The following WDR75 variants were observed in gnomAD, a reference collection of about 807,000 sequenced individuals.
The protein encoded by WDR75 is WD repeat domain 75, also known as WD repeat-containing protein 75.
In WDR75, 52 loss-of-function variants were observed where a neutral mutation model predicts 106.1. The observed-to-expected ratio is 0.49, with a 90% confidence interval of 0.39 to 0.62. WDR75 has a LOEUF of 0.62. Ranked by LOEUF, WDR75 falls within the 20% of genes least tolerant of loss-of-function variation. WDR75 has a pLI of 0.00. For missense variants in WDR75, 905 were observed against 970.3 expected (o/e 0.93, Z 0.89); for synonymous variants, 333 against 335.5 (o/e 0.99, Z 0.08).
chr2:189,455,075 C>T (rs116012243), intron 4 of WDR75, among the ~76,000 whole-genome samples: 9,776 of 151,684 alleles, frequency 0.064, 489 homozygotes, highest in African/African-American at 0.14. Flanking sequence ...ACCCCATCGC[C>T]ACTAAAAATA....
At chr2:189,466,681 T>C in intron 13 of WDR75, 99 bp downstream of exon 13, 1 of 1,227,814 alleles carries the variant, frequency 8.1e-7, no homozygotes, top group Non-Finnish European at 1.1e-6. Flanking sequence ...CATTTTCTAC[T>C]TTATTGAATT....
chr2:189,463,533 C>A (rs920211116), intron 9 of WDR75, among the ~76,000 whole-genome samples, 161 bp from the exon 10 acceptor site: 2 of 151,930 alleles, frequency 1.3e-5, no homozygotes, highest in African/African-American at 4.8e-5. Context: ...AATATACTAA[C>A]ACTAATGATA....
chr2:189,441,810 C>T (rs561118557), intron 1 of WDR75, among the ~76,000 whole-genome samples: 2 of 152,310 alleles, frequency 1.3e-5, no homozygotes, highest in African/African-American at 2.4e-5. Flanking sequence ...GATAAAGGCC[C>T]TGGAGCCGGT....
rs200393205 is a variant in WDR75, at chr2:189,474,169, G to A, written c.2050-17G>A. 7.4e-5 allele frequency: 118 copies of A among 1,600,956 alleles called. 1 individual carries two copies. In the African/African-American group the frequency reaches 8.8e-4, roughly 12 times the overall value. On this transcript the variant is annotated splice_polypyrimidine_tract_variant and intron_variant, in intron 18 of 20. Transcript: ENST00000314761. ...CTTTTTTCTGAAATAATTTCTCTTT[G>A]TCTTAAATCCTTAAAGCTGCTAGCA...
chr2:189,441,720 C>A, intron 1 of WDR75, 142 bp downstream of exon 1: 1 of 920,892 alleles, frequency 1.1e-6, no homozygotes, highest in Non-Finnish European at 1.7e-6. Flanking sequence ...TGTGGGGGAT[C>A]CCCAGGGTAC....
At chr2:189,470,272 TC>T (rs747709600) in intron 17 of WDR75, 27 bp downstream of exon 17, 1 of 1,602,460 alleles carries the variant, frequency 6.2e-7, no homozygotes, top group South Asian at 1.1e-5. Context: ...AAAAAGGCGA[TC>T]ACTTTGTACA....
At chr2:189,470,734 T>A (rs1687100130) in intron 17 of WDR75, 85 bp from the exon 18 acceptor site, 2 of 975,536 alleles carry the variant, frequency 2.1e-6, no homozygotes, top group Admixed American at 7.1e-5. Context: ...AAATTTGACC[T>A]TCTCATTTTT....
At chr2:189,445,568 T>C (rs1198045919) in intron 1 of WDR75, among the ~76,000 whole-genome samples, 1 of 152,146 alleles carries the variant, frequency 6.6e-6, no homozygotes, top group Non-Finnish European at 1.5e-5. Context: ...TCTGAGAAGA[T>C]ATGACAACTA....
chr2:189,469,246 G>A (rs1687068353), intron 15 of WDR75, 98 bp from the exon 16 acceptor site: 1 of 883,450 alleles, frequency 1.1e-6, no homozygotes, highest in Non-Finnish European at 1.9e-6. Flanking sequence ...TGTGTTAGTT[G>A]GAAGCATAAG....
chr2:189,472,086 C>T (rs958584738), intron 18 of WDR75, among the ~76,000 whole-genome samples: 1 of 152,022 alleles, frequency 6.6e-6, no homozygotes, highest in Admixed American at 6.6e-5. Flanking sequence ...ATTTACTGTA[C>T]GCCAGGGACC....
rs377530702 is a variant in WDR75 at position 189,465,027 on chromosome 2, G to A, written c.1114-52G>A. ...TCATTTCTTGAATGCTGTAACATTT[G>A]TGTATTTATGTTAATAAACATTTTG... is the stretch of plus-strand genomic sequence containing the variant. On this transcript the variant is annotated intron_variant, in intron 11 of 20. Coordinates refer to ENST00000314761, the MANE Select transcript of WDR75 (RefSeq NM_032168.3). 1.3e-3 allele frequency: 1,680 copies of A among 1,277,616 alleles called. 16 individuals are homozygous for A. The highest frequency in any genetic ancestry group is 4.3e-4 in the Non-Finnish European group (394 of 915,408). 79.1% of individuals were successfully genotyped at this position (1,277,616 alleles called of 1,614,324 possible). A position where few individuals can be genotyped will look rare whatever the true frequency, so the allele number is the denominator to read the frequency against.
intron 10 of WDR75, 22 bp downstream of exon 10, chr2:189,463,775 T>A (rs200551917): frequency 1.2e-6 from 2 of 1,613,748 alleles, no homozygotes; most frequent in Non-Finnish European, 1.7e-6. Context: ...CTCAGTGGAT[T>A]TGGAATCATG....
rs377641696 is a variant in WDR75, at chr2:189,475,292, G to A, written c.2368G>A (p.Glu790Lys). 61 of 1,612,624 alleles carry A rather than the reference G, an allele frequency of 3.8e-5. No homozygotes were observed. Among genetic ancestry groups the A allele is most frequent in the Middle Eastern group, 1.7e-4 (1 of 6,056 alleles). ...EDSDEENDFT[E>K]KVQDTSNTGL... is the part of the protein sequence containing the mutation. ...TTCAGATGAAGAAAATGATTTTACCGAAAAAGTCCAGGATACAAGTAACAC... is the reference window on the plus strand; with the variant it reads ...TTCAGATGAAGAAAATGATTTTACCAAAAAAGTCCAGGATACAAGTAACAC... The change falls in exon 21 of 21, where the codon GAA becomes AAA. Residue 790 changes from glutamate to lysine, a missense_variant. Coordinates refer to ENST00000314761, the MANE Select transcript of WDR75 (RefSeq NM_032168.3).
chr2:189,446,453 A>C (rs1460141341), intron 1 of WDR75, among the ~76,000 whole-genome samples: 2 of 152,196 alleles, frequency 1.3e-5, no homozygotes, highest in African/African-American at 4.8e-5. Flanking sequence ...ATATATCGCA[A>C]ATGCTTTGTT....
At chr2:189,456,631 A>T (rs1686742380) in intron 5 of WDR75, among the ~76,000 whole-genome samples, 1 of 152,064 alleles carries the variant, frequency 6.6e-6, no homozygotes, top group Non-Finnish European at 1.5e-5. Flanking sequence ...TTGAGGAATG[A>T]CTGTAAAGAG....
intron 2 of WDR75, chr2:189,448,936 G>C (rs1686559319): frequency 4.3e-6 from 2 of 463,264 alleles, no homozygotes; most frequent in Non-Finnish European, 8.9e-6. Context: ...TGATTTGGTA[G>C]ATATGTTCCT....
At position 189,455,343 on chromosome 2, in the gene WDR75, A is replaced by C. The variant is rs764945775; in HGVS notation, c.397A>C (p.Lys133Gln). ...AGATATATTTCAGCTGGTTTCAGTGAAACTGCCAAAATCCTCAAGCCAGGA... is the reference window on the plus strand; with the variant it reads ...AGATATATTTCAGCTGGTTTCAGTGCAACTGCCAAAATCCTCAAGCCAGGA... Reference protein sequence around the residue: ...KPDIFQLVSVKLPKSSSQEVE... With the variant: ...KPDIFQLVSVQLPKSSSQEVE... Residue 133 changes from lysine to glutamine, a missense_variant, in exon 5 of 21, where the codon AAA becomes CAA. By Grantham distance (53) the Lys-to-Gln change is moderately conservative (BLOSUM62 1). Transcript: ENST00000314761. The C allele has an allele frequency of 6.2e-7, 1 of 1,613,984 alleles. No individual in the cohort carries two copies. The highest frequency in any genetic ancestry group is 2.2e-5 in the East Asian group (1 of 44,884).
chr2:189,458,676 C>T (rs1686794100), intron 6 of WDR75, 77 bp from the exon 7 acceptor site: 3 of 1,271,934 alleles, frequency 2.4e-6, no homozygotes, highest in African/African-American at 3.0e-5. Flanking sequence ...TTGCTGGGAA[C>T]TCTCTTTTAC....
chr2:189,442,501 A>G (rs935796255), intron 1 of WDR75, among the ~76,000 whole-genome samples: 14 of 115,434 alleles, frequency 1.2e-4, no homozygotes, highest in African/African-American at 4.6e-4. Context: ...CCCAGGCTGG[A>G]GTGCAGTGGC....
Sources: gnomAD v4.1 joint callset for allele counts (sites outside exome capture counted in the v4.1 genomes callset) on GRCh38, gnomAD v4.1.1 for gene constraint, MANE v1.5 for transcripts, NCBI Gene and HGNC (gene_info 2026-07-23, HGNC 2026-07-21) for gene names.